DIP2A: variants seen among roughly 807,000 people sequenced by gnomAD.
DIP2A encodes disco-interacting protein 2 homolog A.
A neutral mutation model predicts 177.4 loss-of-function variants in DIP2A; 85 were observed. The ratio of observed to expected loss-of-function variants is 0.48; its 90% confidence interval spans 0.40 to 0.57. The LOEUF (loss-of-function observed/expected upper bound fraction) is 0.57, where lower values mean the gene tolerates loss of function less well. Among genes scored for constraint, DIP2A ranks in the 20% least tolerant of loss-of-function variants. DIP2A has a pLI of 0.00. For missense variants in DIP2A, 1,791 were observed against 2,100.2 expected (o/e 0.85, Z 2.88); for synonymous variants, 886 against 881.8 (o/e 1.00, Z -0.08).
chr21:46,555,899 G>C, intron 28 of DIP2A, 83 bp from the exon 29 acceptor site: 1 of 1,023,572 alleles, frequency 9.8e-7, no homozygotes, highest in Non-Finnish European at 1.6e-6. Flanking sequence ...GACAAATCAT[G>C]TGTCGCCTCT....
At chr21:46,499,975 G>A (rs777861300) in intron 5 of DIP2A, among the ~76,000 whole-genome samples, 1 of 152,160 alleles carries the variant, frequency 6.6e-6, no homozygotes, top group African/African-American at 2.4e-5. Flanking sequence ...CCTGTGACAC[G>A]CTGGTGTTTG....
intron 1 of DIP2A, among the ~76,000 whole-genome samples, chr21:46,473,818 G>A (rs192787417): frequency 1.3e-5 from 2 of 152,228 alleles, no homozygotes; most frequent in Non-Finnish European, 2.9e-5. Flanking sequence ...GCCTGGCCAG[G>A]TGCTTTACTT....
rs976329649 is a variant in DIP2A at position 46,497,051 on chromosome 21, C to T, written c.347C>T (p.Pro116Leu). 1.9e-6 allele frequency: 3 copies of T among 1,613,890 alleles called. No homozygotes were observed. The African/African-American group carries it at 4.0e-5, about 22-fold the overall frequency. The part of the protein sequence containing the change: ...AKYKERKMPM[P>L]SKRRSVLVHS... Reference sequence around the variant, plus strand: ...TACAAAGAGAGGAAGATGCCTATGCCTTCGAAGAGACGTTCTGTCCTTGTG... The same window carrying T: ...TACAAAGAGAGGAAGATGCCTATGCTTTCGAAGAGACGTTCTGTCCTTGTG... Residue 116 changes from proline (P) to leucine (L), a missense_variant, in exon 4 of 38, where the codon CCT becomes CTT. Coordinates refer to ENST00000417564, the MANE Select transcript of DIP2A (RefSeq NM_015151.4).
At chr21:46,465,488 C>A (rs1483872464) in intron 1 of DIP2A, among the ~76,000 whole-genome samples, 2 of 152,242 alleles carry the variant, frequency 1.3e-5, no homozygotes, top group Non-Finnish European at 2.9e-5. Context: ...GCAGGAGAAT[C>A]GCTCAAACCC....
At chr21:46,511,226 A>G (rs1042811549) in intron 7 of DIP2A, among the ~76,000 whole-genome samples, 191 bp from the exon 8 acceptor site, 5 of 152,230 alleles carry the variant, frequency 3.3e-5, no homozygotes, top group African/African-American at 1.2e-4. Context: ...AGCCGTCATC[A>G]TCCATGACTA....
At chr21:46,579,221 C>G in the DIP2A span, among the ~76,000 whole-genome samples, 1 of 152,140 alleles carries the variant, frequency 6.6e-6, no homozygotes, top group African/African-American at 2.4e-5. Context: ...TCAGTTTCTT[C>G]TACATTTTCT....
the DIP2A span, among the ~76,000 whole-genome samples, chr21:46,578,216 G>A: frequency 2.0e-5 from 3 of 152,194 alleles, no homozygotes; most frequent in African/African-American, 7.2e-5. Context: ...GGAGGCTGAG[G>A]CAGGAGAATT....
chr21:46,460,819 G>A (rs906028585), intron 1 of DIP2A, among the ~76,000 whole-genome samples: 5 of 151,694 alleles, frequency 3.3e-5, no homozygotes, highest in South Asian at 2.1e-4. Context: ...TCAGCCTCCC[G>A]AGTAGCTGGG....
intron 6 of DIP2A, among the ~76,000 whole-genome samples, chr21:46,507,665 T>C (rs567651668): frequency 7.6e-4 from 114 of 149,362 alleles, no homozygotes; most frequent in African/African-American, 2.6e-3. Context: ...GTCCTCCAAC[T>C]CTGCTTTTTT....
rs1338556147 is a variant in DIP2A at position 46,566,671 on chromosome 21, G to A, written c.4451G>A (p.Ser1484Asn). 2 of 1,614,192 alleles carry A rather than the reference G, an allele frequency of 1.2e-6. No individual in the cohort carries two copies. Among genetic ancestry groups the A allele is most frequent in the South Asian group, 1.1e-5 (1 of 91,086 alleles). Residue 1484 changes from serine (S) to asparagine (N), a missense_variant, in exon 37 of 38, where the codon AGC becomes AAC. Ser to Asn is a conservative substitution (Grantham distance 46, BLOSUM62 1). Coordinates refer to ENST00000417564, the MANE Select transcript of DIP2A (RefSeq NM_015151.4). ...ACCTCTGTCATCCGAGCACACAGGA[G>A]CATCGCTGAGTGGTAAGAGCCCAGG... ...IETSVIRAHR[S>N]IAECAVFTWT...
chr21:46,523,393 A>ATTTTT lies in DIP2A; in HGVS notation c.1103-5678_1103-5674dup, dbSNP rs61370008. 3.3e-3 allele frequency among the ~76,000 whole-genome samples: 296 copies of ATTTTT among 89,874 alleles called. 5 individuals are homozygous for ATTTTT. The highest frequency in any genetic ancestry group is 5.1e-3 in the Non-Finnish European group (251 of 49,694). The allele number at this position is 89,874 out of a possible 152,430, so 59.0% of individuals were successfully genotyped here. A position where few individuals can be genotyped will look rare whatever the true frequency, so the allele number is the denominator to read the frequency against. On this transcript the variant is annotated intron_variant, in intron 8 of 37. Transcript: ENST00000417564. ...AGGATTACAGGCGTGCGCCTGGCTAATTTTTTTTTTTTTTTTTTTTTTTTT... is the reference window on the plus strand; with the variant it reads ...AGGATTACAGGCGTGCGCCTGGCTAATTTTTTTTTTTTTTTTTTTTTTTTTTTTTT...
intron 9 of DIP2A, among the ~76,000 whole-genome samples, 164 bp from the exon 10 acceptor site, chr21:46,531,963 T>C (rs1479077418): frequency 6.6e-6 from 1 of 152,220 alleles, no homozygotes; most frequent in Non-Finnish European, 1.5e-5. Context: ...GAGTCAACTG[T>C]CTCTACTCAG....
intron 8 of DIP2A, among the ~76,000 whole-genome samples, chr21:46,520,955 T>C (rs2058796752): frequency 6.6e-6 from 1 of 152,178 alleles, no homozygotes; most frequent in South Asian, 2.1e-4. Context: ...ATTTAGAGTA[T>C]GATGTTGGAA....
intron 1 of DIP2A, among the ~76,000 whole-genome samples, chr21:46,461,793 C>T (rs2054338449): frequency 6.6e-6 from 1 of 151,680 alleles, no homozygotes; most frequent in South Asian, 2.1e-4. Flanking sequence ...GAAATGGTGG[C>T]TTAGGCCTGT....
At chr21:46,476,321 C>G (rs1448429646) in intron 1 of DIP2A, among the ~76,000 whole-genome samples, 1 of 151,908 alleles carries the variant, frequency 6.6e-6, no homozygotes, top group Admixed American at 6.6e-5. Flanking sequence ...GTGGTATTAT[C>G]TTATATGGTT....
intron 9 of DIP2A, 147 bp from the exon 10 acceptor site, chr21:46,531,980 A>G: frequency 1.5e-6 from 1 of 667,584 alleles, no homozygotes; most frequent in Non-Finnish European, 2.5e-6. Context: ...TCAGTTAAAT[A>G]CTATTTGGAC....
chr21:46,545,925 A>G lies in DIP2A; in HGVS notation c.2358A>G (p.Pro786=), dbSNP rs1265993161. 1.2e-6 allele frequency: 2 copies of G among 1,613,972 alleles called. No individual in the cohort carries two copies. The highest frequency in any genetic ancestry group is 2.2e-5 in the South Asian group (2 of 91,076). Residue 786 remains proline, a synonymous_variant, in exon 20 of 38, where the codon CCA becomes CCG. Transcript: ENST00000417564. ...GAGGAGCACCCATCTTTGACAGGCC[A>G]TTCACCAGGACAGGCCTGCTGGGCT... ...TTGGAPIFDR[P]FTRTGLLGFI...
At chr21:46,565,249 C>T (rs1025366781) in intron 35 of DIP2A, among the ~76,000 whole-genome samples, 8 of 152,224 alleles carry the variant, frequency 5.3e-5, no homozygotes, top group South Asian at 2.1e-4. Context: ...CACACACGCG[C>T]GTGGGGCTGA....
At position 46,569,944 on chromosome 21, in the gene DIP2A, A is replaced by G. The variant is rs1017535782; in HGVS notation, c.*2322A>G. 3.3e-5 allele frequency: 5 copies of G among 152,308 alleles called. No individual in the cohort carries two copies. In the South Asian group the frequency reaches 1.0e-3, roughly 32 times the overall value. The allele number at this position is 152,308 out of a possible 1,614,324, so 9.4% of individuals were successfully genotyped here. ...TATTTTTTCTTTTTAAAAATTTTTT[A>G]CAAAATTAGGATCAAGTGCTTTTTT... On this transcript the variant is annotated 3_prime_UTR_variant, in exon 38 of 38. Coordinates refer to ENST00000417564, the MANE Select transcript of DIP2A (RefSeq NM_015151.4).
Sources: allele counts gnomAD v4.1 joint callset (sites outside exome capture counted in the v4.1 genomes callset), GRCh38; gene constraint gnomAD v4.1.1; transcripts MANE v1.5; gene names NCBI Gene and HGNC (gene_info 2026-07-23, HGNC 2026-07-21).